Variants in FGF12 observed in about 807,000 individuals in gnomAD.
FGF12 encodes the protein fibroblast growth factor 12, also known as fibroblast growth factor 12B.
FGF12 carries 14 observed loss-of-function variants against 23.6 expected under a neutral mutation model. The ratio of observed to expected loss-of-function variants is 0.59; its 90% CI spans 0.39 to 0.93. FGF12 has a LOEUF of 0.93. Among genes scored for constraint, FGF12 ranks in the 40% least tolerant of loss-of-function variants. FGF12 has a pLI of 0.00. For missense variants in FGF12, 175 were observed against 217.8 expected, an observed-to-expected ratio of 0.80 and a Z score of 1.24; for synonymous variants, 62 against 77.3, an observed-to-expected ratio of 0.80 and a Z score of 1.04.
rs189359148 is a variant in FGF12 at position 192,467,185 on chromosome 3, T to G, written c.14-106647A>C. On this transcript the variant is annotated intron_variant, in intron 2 of 5. Coordinates refer to ENST00000445105, the MANE Select transcript of FGF12 (RefSeq NM_004113.6). ...TTTTGTAGTATTCGAATCTTTTTCC[T>G]ATCATCATATATGTCGGAAAATTAA... Among the ~76,000 whole-genome samples, 362 of 152,340 alleles carry G rather than the reference T, an allele frequency of 2.4e-3. 2 individuals are homozygous for G. The highest frequency in any genetic ancestry group is 8.2e-3 in the African/African-American group (343 of 41,576).
At chr3:192,595,397 T>G (rs117135388) in intron 2 of FGF12, among the ~76,000 whole-genome samples, 1 of 152,238 alleles carries the variant, frequency 6.6e-6, no homozygotes, top group Admixed American at 6.5e-5. Flanking sequence ...CTCCCACTCC[T>G]GATAATCTTA....
chr3:192,549,703 T>C (rs768300695), intron 2 of FGF12, among the ~76,000 whole-genome samples: 9 of 152,166 alleles, frequency 5.9e-5, no homozygotes, highest in Admixed American at 2.6e-4. Flanking sequence ...TATCCATCAA[T>C]TGAAGACCTG....
intron 2 of FGF12, among the ~76,000 whole-genome samples, chr3:192,690,515 C>T (rs1717907280): frequency 7.1e-6 from 1 of 140,796 alleles, no homozygotes; most frequent in Admixed American, 7.5e-5. Flanking sequence ...ACATAAGCTT[C>T]ATGGTAACTA....
At chr3:192,449,503 C>T (rs1215293581) in intron 2 of FGF12, among the ~76,000 whole-genome samples, 2 of 152,154 alleles carry the variant, frequency 1.3e-5, no homozygotes, top group East Asian at 3.9e-4. Flanking sequence ...TGTGCACCTG[C>T]CAGGGCTCAC....
chr3:192,204,701 C>T (rs976622317), intron 4 of FGF12, among the ~76,000 whole-genome samples: 9 of 152,008 alleles, frequency 5.9e-5, no homozygotes, highest in South Asian at 2.1e-4. Flanking sequence ...GCCTGGCCAA[C>T]GTGGCAAAAC....
chr3:192,161,018 T>TA (rs1189042490), intron 5 of FGF12, among the ~76,000 whole-genome samples: 1 of 151,894 alleles, frequency 6.6e-6, no homozygotes, highest in Non-Finnish European at 1.5e-5. Flanking sequence ...TTCACAGAAA[T>TA]AAGAAAAATC....
chr3:192,161,231 A>T (rs1455799925), intron 5 of FGF12, among the ~76,000 whole-genome samples: 1 of 152,120 alleles, frequency 6.6e-6, no homozygotes, highest in Non-Finnish European at 1.5e-5. Context: ...TTATTTGGCC[A>T]GCTCAAACGT....
intron 2 of FGF12, among the ~76,000 whole-genome samples, chr3:192,716,598 G>A (rs906575279): frequency 9.9e-5 from 15 of 152,162 alleles, no homozygotes; most frequent in Admixed American, 9.8e-4. Flanking sequence ...GAATCTTAGG[G>A]ATTTTAAGGA....
At chr3:192,559,668 G>GA (rs1204129489) in intron 2 of FGF12, among the ~76,000 whole-genome samples, 1 of 151,350 alleles carries the variant, frequency 6.6e-6, no homozygotes, top group African/African-American at 2.4e-5. Flanking sequence ...AAAAAAAGAA[G>GA]AAAAAAAAGA....
intron 4 of FGF12, among the ~76,000 whole-genome samples, chr3:192,282,488 T>A (rs960917478): frequency 2.0e-5 from 3 of 152,074 alleles, no homozygotes; most frequent in Non-Finnish European, 4.4e-5. Context: ...TGTTTGAAAA[T>A]TTTCTTTAAG....
At chr3:192,316,775 G>A (rs534452174) in intron 4 of FGF12, among the ~76,000 whole-genome samples, 374 of 152,310 alleles carry the variant, frequency 2.5e-3, no homozygotes, top group African/African-American at 8.3e-3. Flanking sequence ...TGGCTAAGGG[G>A]ATGCTTGCAT....
intron 3 of FGF12, among the ~76,000 whole-genome samples, chr3:192,346,901 G>A (rs954982593): frequency 1.2e-4 from 18 of 151,942 alleles, no homozygotes; most frequent in African/African-American, 3.6e-4. Context: ...GATTTGCACC[G>A]TACTTTAAAA....
At chr3:192,499,184 A>C (rs774867447) in intron 2 of FGF12, among the ~76,000 whole-genome samples, 1 of 152,146 alleles carries the variant, frequency 6.6e-6, no homozygotes, top group Non-Finnish European at 1.5e-5. Flanking sequence ...TATTTCATTT[A>C]AACTTCACAA....
intron 4 of FGF12, among the ~76,000 whole-genome samples, chr3:192,196,971 T>G (rs1242903669): frequency 1.3e-5 from 2 of 152,044 alleles, no homozygotes; most frequent in Non-Finnish European, 2.9e-5. Flanking sequence ...AGATCGGTTA[T>G]GAGATGCTTG....
chr3:192,652,070 G>A (rs2108676756), intron 2 of FGF12, among the ~76,000 whole-genome samples: 1 of 152,244 alleles, frequency 6.6e-6, no homozygotes, highest in African/African-American at 2.4e-5. Flanking sequence ...TAGATGCCAG[G>A]GAATATCAAA....
chr3:192,146,088 C>G (rs1713686191), intron 5 of FGF12, among the ~76,000 whole-genome samples: 1 of 152,188 alleles, frequency 6.6e-6, no homozygotes, highest in Non-Finnish European at 1.5e-5. Context: ...CTTCCCAACT[C>G]TGTCACCTAA....
intron 2 of FGF12, among the ~76,000 whole-genome samples, chr3:192,642,799 C>T (rs1320447106): frequency 6.6e-6 from 1 of 152,214 alleles, no homozygotes; most frequent in East Asian, 1.9e-4. Flanking sequence ...GGGCCATTTA[C>T]TTGTAGCCCA....
At chr3:192,352,372 A>G (rs1718266285) in intron 3 of FGF12, among the ~76,000 whole-genome samples, 1 of 152,336 alleles carries the variant, frequency 6.6e-6, no homozygotes, top group Admixed American at 6.5e-5. Flanking sequence ...CAAAACACAG[A>G]TTGCTGGGCC....
At chr3:192,477,632 G>A (rs937486830) in intron 2 of FGF12, among the ~76,000 whole-genome samples, 4 of 152,128 alleles carry the variant, frequency 2.6e-5, no homozygotes, top group Admixed American at 1.3e-4. Flanking sequence ...TTGAAATGGA[G>A]AATGGGAGTG....
Sources: allele counts gnomAD v4.1 joint callset (sites outside exome capture counted in the v4.1 genomes callset), GRCh38; gene constraint gnomAD v4.1.1; transcripts MANE v1.5; gene names NCBI Gene and HGNC (gene_info 2026-07-23, HGNC 2026-07-21).